Variants in SYNE1 observed in about 807,000 individuals in gnomAD.
SYNE1 encodes the protein spectrin repeat containing nuclear envelope protein 1.
SYNE1 carries 616 observed loss-of-function variants against 1,111.0 expected under a neutral mutation model. That is an observed-to-expected ratio of 0.55 (90% CI 0.52 to 0.59). SYNE1 has a LOEUF of 0.59. Among genes scored for constraint, SYNE1 ranks in the 20% least tolerant of loss-of-function variants. The pLI is 0.00. For synonymous variants in SYNE1, 3,855 were observed against 3,825.8 expected (o/e 1.01, Z -0.28); for missense variants, 10,006 against 10,417.0 (o/e 0.96, Z 1.72).
At chr6:152,565,715 A>C (rs1595488002) in intron 3 of SYNE1, among the ~76,000 whole-genome samples, 1 of 152,066 alleles carries the variant, frequency 6.6e-6, no homozygotes, top group Non-Finnish European at 1.5e-5. Flanking sequence ...ATTTCTAAAA[A>C]ACTGAAAAAA....
At chr6:152,411,754 G>C (rs2098054659) in intron 42 of SYNE1, among the ~76,000 whole-genome samples, 1 of 150,038 alleles carries the variant, frequency 6.7e-6, no homozygotes, top group Non-Finnish European at 1.5e-5. Flanking sequence ...CACAGAGATG[G>C]CTCTACACAT....
intron 104 of SYNE1, among the ~76,000 whole-genome samples, chr6:152,251,773 T>A (rs550981375): frequency 1.4e-3 from 210 of 152,034 alleles, no homozygotes; most frequent in African/African-American, 4.9e-3. Flanking sequence ...AAAATAAAAA[T>A]AAATAAAAAT....
At chr6:152,220,815 G>GGAAA (rs774923204) in intron 119 of SYNE1, 27 bp downstream of exon 119, 26 of 1,606,606 alleles carry the variant, frequency 1.6e-5, no homozygotes, top group Non-Finnish European at 2.1e-5. Context: ...GGGCATGTGG[G>GGAAA]GAAAACAAGG....
rs376372554 is a variant in SYNE1, at chr6:152,490,529, G to A, written c.940-2026C>T. On this transcript the variant is annotated intron_variant, in intron 11 of 145. Coordinates refer to ENST00000367255, the MANE Select transcript of SYNE1 (RefSeq NM_182961.4). ...TTCTTTCTCTGGACAATGAATCTCG[G>A]AAGCTCCCCATTCAGCACCTTGTAA... is the stretch of plus-strand genomic sequence containing the variant. Among the ~76,000 whole-genome samples, 37 of 152,128 alleles carry A rather than the reference G, an allele frequency of 2.4e-4. No homozygotes were observed. The South Asian group carries it at 7.7e-3, about 32-fold the overall frequency.
chr6:152,129,043 T>C (rs1253261174), intron 145 of SYNE1: 1 of 152,258 alleles, frequency 6.6e-6, no homozygotes, highest in Non-Finnish European at 1.5e-5. Context: ...TAATGAACCG[T>C]GCTGGACAGA....
At chr6:152,401,864 C>A (rs1472024017) in intron 46 of SYNE1, among the ~76,000 whole-genome samples, 1 of 152,158 alleles carries the variant, frequency 6.6e-6, no homozygotes, top group African/African-American at 2.4e-5. Flanking sequence ...CTATGGCCCC[C>A]TAGTTAGTCA....
intron 124 of SYNE1, among the ~76,000 whole-genome samples, chr6:152,209,403 G>A (rs2077105398): frequency 6.6e-6 from 1 of 152,084 alleles, no homozygotes; most frequent in Non-Finnish European, 1.5e-5. Flanking sequence ...AAAATAAAAT[G>A]TACTAAGTAA....
chr6:152,217,802 G>C (rs376551338), intron 121 of SYNE1, among the ~76,000 whole-genome samples: 46 of 152,244 alleles, frequency 3.0e-4, no homozygotes, highest in African/African-American at 1.0e-3. Context: ...GCTTCCAGGA[G>C]TGAGCTGGGA....
chr6:152,548,124 G>C (rs533500149), intron 3 of SYNE1, among the ~76,000 whole-genome samples: 1 of 152,288 alleles, frequency 6.6e-6, no homozygotes, highest in African/African-American at 2.4e-5. Flanking sequence ...TTAGGGCACT[G>C]CCCACAGCAG....
In SYNE1 at chr6:152,330,662, C is replaced by G; in HGVS notation, c.14023G>C (p.Glu4675Gln). The G allele has an allele frequency of 6.2e-7, 1 of 1,613,900 alleles. No homozygotes were observed. The highest frequency in any genetic ancestry group is 8.5e-7 in the Non-Finnish European group (1 of 1,180,036). The change falls in exon 78 of 146, where the codon GAA (glutamate) becomes CAA (glutamine). Residue 4675 changes from glutamate to glutamine, a missense_variant. This residue lies in a region of SYNE1 where 4,955 missense variants were observed against 5,017.2 expected (regional missense o/e 0.99). Coordinates refer to ENST00000367255, the MANE Select transcript of SYNE1 (RefSeq NM_182961.4). ...GTCAACTCAATCAAGGAAGCATATTCCTTCCGAGCAAGAATTGCTTCCTGG... is the reference window on the plus strand; with the variant it reads ...GTCAACTCAATCAAGGAAGCATATTGCTTCCGAGCAAGAATTGCTTCCTGG... ...KVQEAILARKEYASLIELTTQ... is the reference protein window; with the variant it reads ...KVQEAILARKQYASLIELTTQ...
At chr6:152,280,409 A>C (rs574405239) in intron 97 of SYNE1, among the ~76,000 whole-genome samples, 17 of 152,286 alleles carry the variant, frequency 1.1e-4, no homozygotes, top group African/African-American at 3.9e-4. Context: ...ACAAATTCAG[A>C]AACTTTCTTA....
At position 152,316,884 on chromosome 6, in the gene SYNE1, CA is replaced by C; in HGVS notation, c.16674del (p.Ala5559GlnfsTer15). 6.2e-7 allele frequency: 1 copy of C among 1,614,124 alleles called. No homozygotes were observed. Among genetic ancestry groups the C allele is most frequent in the Non-Finnish European group, 8.5e-7 (1 of 1,180,016 alleles). On this transcript the variant is annotated frameshift_variant, in exon 87 of 146. Transcript: ENST00000367255. LOFTEE classifies it high-confidence loss of function. ...VLAHGTIAWN[S>X]ASQLREQYIL... ...ATATATTGTTCCCGAAGCTGGCTTG[CA>C]GAATTCCATGCAATAGTTCCATGAG...
At chr6:152,312,547 T>C (rs986605872) in intron 87 of SYNE1, among the ~76,000 whole-genome samples, 3 of 148,926 alleles carry the variant, frequency 2.0e-5, no homozygotes, top group Non-Finnish European at 4.5e-5. Flanking sequence ...TAAATATATA[T>C]AGTAAGGATA....
chr6:152,293,611 C>G lies in SYNE1; in HGVS notation c.17989G>C (p.Glu5997Gln), dbSNP rs2094716809. Reference protein sequence around the residue: ...SESPEPGRSPESQMAEHQALM... With the variant: ...SESPEPGRSPQSQMAEHQALM... ...ACCTGATGTTCAGCCATCTGGCTTT[C>G]TGGACTCCTGCCAGGCTCTGGGCTC... Residue 5997 changes from glutamate (E) to glutamine (Q), a missense_variant, in exon 95 of 146, where the codon GAA becomes CAA. By Grantham distance (29) the Glu-to-Gln change is conservative. Coordinates refer to ENST00000367255, the MANE Select transcript of SYNE1 (RefSeq NM_182961.4). 6.2e-7 allele frequency: 1 copy of G among 1,614,038 alleles called. No individual in the cohort carries two copies. Among genetic ancestry groups the G allele is most frequent in the Non-Finnish European group, 8.5e-7 (1 of 1,180,038 alleles).
chr6:152,343,739 T>C (rs774193599), intron 74 of SYNE1, among the ~76,000 whole-genome samples: 6 of 151,830 alleles, frequency 4.0e-5, no homozygotes, highest in Admixed American at 2.0e-4. Context: ...AGCTAATGTT[T>C]ATATTTTTAG....
intron 3 of SYNE1, among the ~76,000 whole-genome samples, chr6:152,597,803 T>C (rs1357621795): frequency 1.3e-5 from 2 of 152,226 alleles, no homozygotes; most frequent in Non-Finnish European, 2.9e-5. Context: ...AGTCAAGCGA[T>C]GTTTTTCTTC....
Position 152,373,169 on chromosome 6 carries a change from C to T in SYNE1, c.9375G>A (p.Leu3125=), listed in dbSNP as rs376622495. 5 of 1,613,910 alleles carry T rather than the reference C, an allele frequency of 3.1e-6. No individual in the cohort carries two copies. In the African/African-American group the frequency reaches 4.0e-5, roughly 13 times the overall value. ...GGGTACTCAGAAGTTCCCCTTTAGA[C>T]AGCATCATGTTTAGCTTGTGCTGTC... The part of the protein sequence containing the change: ...ENGQHKLNMM[L]SKGELLSTLL... The change falls in exon 59 of 146, where the codon CTG becomes CTA. Residue 3125 remains leucine, a synonymous_variant. Coordinates refer to ENST00000367255, the MANE Select transcript of SYNE1 (RefSeq NM_182961.4).
intron 11 of SYNE1, among the ~76,000 whole-genome samples, chr6:152,494,220 C>T (rs1028882143): frequency 2.0e-5 from 3 of 152,172 alleles, no homozygotes; most frequent in African/African-American, 7.2e-5. Context: ...AATCCATTTT[C>T]CTCCTCACAC....
chr6:152,596,841 ACTTTC>A (rs2099583381), intron 3 of SYNE1, among the ~76,000 whole-genome samples: 1 of 152,164 alleles, frequency 6.6e-6, no homozygotes, highest in Non-Finnish European at 1.5e-5. Flanking sequence ...GGCATTACAG[ACTTTC>A]GAACTTACCA....
Sources: allele counts gnomAD v4.1 joint callset (sites outside exome capture counted in the v4.1 genomes callset), GRCh38; gene constraint gnomAD v4.1.1; regional missense constraint gnomAD v4.1.1; transcripts MANE v1.5; gene names NCBI Gene and HGNC (gene_info 2026-07-23, HGNC 2026-07-21).